ARHGEF7: variants seen among roughly 807,000 people sequenced by gnomAD.
ARHGEF7 encodes the protein PAK-interacting exchange factor beta.
A neutral mutation model predicts 109.8 loss-of-function variants in ARHGEF7; 33 were observed. That is an observed-to-expected ratio of 0.30 (90% confidence interval 0.23 to 0.40). The LOEUF (loss-of-function observed/expected upper bound fraction) is 0.40. ARHGEF7 is among the 10% of genes least tolerant of loss of function. The pLI is 1.00. For missense variants in ARHGEF7, 938 were observed against 1,098.5 expected (o/e 0.85, Z 2.07); for synonymous variants, 458 against 424.6 (o/e 1.08, Z -0.97).
At chr13:111,146,831 C>T (rs1191972054) in intron 1 of ARHGEF7, among the ~76,000 whole-genome samples, 14 of 152,146 alleles carry the variant, frequency 9.2e-5, no homozygotes, top group Non-Finnish European at 1.9e-4. Context: ...TGAAGTCTGA[C>T]CTTAATGTTG....
chr13:111,163,667 T>C (rs569934849), intron 2 of ARHGEF7, among the ~76,000 whole-genome samples: 120 of 152,114 alleles, frequency 7.9e-4, no homozygotes, highest in African/African-American at 2.7e-3. Context: ...CCAAGTACCT[T>C]AGACTACAGG....
intron 1 of ARHGEF7, among the ~76,000 whole-genome samples, chr13:111,133,612 TC>T: frequency 6.6e-6 from 1 of 150,844 alleles, no homozygotes. Flanking sequence ...GGTTCTTCCA[TC>T]TTTTTTTTCT....
chr13:111,285,160 C>G (rs1158963031), intron 16 of ARHGEF7, among the ~76,000 whole-genome samples: 1 of 152,204 alleles, frequency 6.6e-6, no homozygotes. Context: ...CTTTTCAAAA[C>G]TCACCCCCAT....
intron 2 of ARHGEF7, among the ~76,000 whole-genome samples, chr13:111,180,214 T>C (rs1441799616): frequency 6.6e-6 from 1 of 152,212 alleles, no homozygotes; most frequent in Non-Finnish European, 1.5e-5. Context: ...TACTTTGCTT[T>C]CAAGAATCCA....
chr13:111,231,113 T>C (rs1369087560), intron 5 of ARHGEF7, among the ~76,000 whole-genome samples: 2 of 152,206 alleles, frequency 1.3e-5, no homozygotes, highest in African/African-American at 4.8e-5. Context: ...GTGCGGCTTA[T>C]GATCGCAGTG....
intron 1 of ARHGEF7, among the ~76,000 whole-genome samples, chr13:111,128,994 A>T (rs141823919): frequency 1.5e-4 from 23 of 152,328 alleles, no homozygotes; most frequent in Admixed American, 1.4e-3. Context: ...TGGAGTCAGC[A>T]CAACGTTGCA....
intron 2 of ARHGEF7, chr13:111,186,775 C>T (rs774254964): frequency 1.6e-4 from 161 of 983,492 alleles, no homozygotes; most frequent in Non-Finnish European, 1.8e-4. Context: ...CTGGTGGCAA[C>T]GCAGACCACT....
intron 5 of ARHGEF7, among the ~76,000 whole-genome samples, chr13:111,219,872 T>C (rs1268939486): frequency 6.6e-6 from 1 of 152,124 alleles, no homozygotes; most frequent in Non-Finnish European, 1.5e-5. Context: ...ATTGCTGGGA[T>C]ATTAAGAAGG....
Position 111,303,646 on chromosome 13 carries a change from G to A in ARHGEF7, c.*533G>A, listed in dbSNP as rs541969438. The A allele has an allele frequency of 6.6e-6, 1 of 152,242 alleles. No homozygotes were observed. Among genetic ancestry groups the A allele is most frequent in the African/African-American group, 2.4e-5 (1 of 41,528 alleles). The allele number at this position is 152,242 out of a possible 1,614,324, so 9.4% of individuals were successfully genotyped here. ...GTGCTGTGGCAGCACCCCCCATGTC[G>A]GTATTTCTAAATAACCTTATTTATA... On this transcript the variant is annotated 3_prime_UTR_variant, in exon 22 of 22. Coordinates refer to ENST00000646102, the MANE Select transcript of ARHGEF7 (RefSeq NM_001354046.2).
rs1328659771 is a variant in ARHGEF7, at chr13:111,131,973, G to A, written c.165+16282G>A. On this transcript the variant is annotated intron_variant, in intron 1 of 21. Coordinates refer to ENST00000646102, the MANE Select transcript of ARHGEF7 (RefSeq NM_001354046.2). This position sits in a 1 kb window ranked among gnomAD's most constrained non-coding sequence, Gnocchi z 4.4. ...GGTGGACTCAGTGAGGGGGTGGACCGTGAGCCCTGTGGAAACCCACCCATG... is the reference window on the plus strand; with the variant it reads ...GGTGGACTCAGTGAGGGGGTGGACCATGAGCCCTGTGGAAACCCACCCATG... Among the ~76,000 whole-genome samples the A allele has an allele frequency of 6.6e-6, 1 of 152,190 alleles. No homozygotes were observed. The highest frequency in any genetic ancestry group is 2.4e-5 in the African/African-American group (1 of 41,444).
chr13:111,203,951 C>T (rs1005179565), intron 2 of ARHGEF7, among the ~76,000 whole-genome samples: 11 of 152,238 alleles, frequency 7.2e-5, no homozygotes, highest in South Asian at 4.1e-4. Flanking sequence ...CACTGTGCAC[C>T]GGCCCCTGTG....
chr13:111,153,800 CG>C, intron 1 of ARHGEF7, 104 bp from the exon 2 acceptor site: 2 of 1,409,634 alleles, frequency 1.4e-6, no homozygotes, highest in Non-Finnish European at 1.8e-6. Context: ...CGCTCGCCAG[CG>C]TCGCCCGCTG....
In ARHGEF7 at chr13:111,266,872, T is replaced by A; in HGVS notation, c.951-676T>A. ...GTTGTTGCTGTTGTCCTTCAGAAAC[T>A]CTGAGGTCTGGAGAGGTGAGCGTGT... On this transcript the variant is annotated intron_variant, in intron 8 of 21. Transcript: ENST00000646102. This position sits in a 1 kb window ranked among gnomAD's most constrained non-coding sequence, Gnocchi z 4.8. 1 of 456,074 alleles carries A rather than the reference T, an allele frequency of 2.2e-6. No individual in the cohort carries two copies. Among genetic ancestry groups the A allele is most frequent in the South Asian group, 1.5e-5 (1 of 64,558 alleles). The allele number at this position is 456,074 out of a possible 1,614,324, so 28.3% of individuals were successfully genotyped here. A position where few individuals can be genotyped will look rare whatever the true frequency, so the allele number is the denominator to read the frequency against.
At chr13:111,191,821 G>T (rs1469034633) in intron 2 of ARHGEF7, among the ~76,000 whole-genome samples, 1 of 152,172 alleles carries the variant, frequency 6.6e-6, no homozygotes, top group African/African-American at 2.4e-5. Flanking sequence ...TGAGTTAAAG[G>T]TAGGAGTAAA....
chr13:111,186,258 C>T (rs755619324), intron 2 of ARHGEF7, among the ~76,000 whole-genome samples: 34 of 152,196 alleles, frequency 2.2e-4, no homozygotes, highest in Non-Finnish European at 4.1e-4. Context: ...CCTCTCACCC[C>T]TTCCTGGAAA....
intron 2 of ARHGEF7, among the ~76,000 whole-genome samples, chr13:111,163,093 T>C (rs545350317): frequency 2.0e-5 from 3 of 152,220 alleles, no homozygotes; most frequent in African/African-American, 7.2e-5. Flanking sequence ...GGTCACAACA[T>C]AGTGTTTATT....
chr13:111,139,186 CT>C (rs1234525414), intron 1 of ARHGEF7, among the ~76,000 whole-genome samples: 1 of 152,166 alleles, frequency 6.6e-6, no homozygotes, highest in Admixed American at 6.5e-5. Flanking sequence ...TGATCGAGGA[CT>C]CATCAAGGGA....
At chr13:111,276,586 A>G (rs1020197318) in intron 12 of ARHGEF7, among the ~76,000 whole-genome samples, 2 of 152,192 alleles carry the variant, frequency 1.3e-5, no homozygotes, top group African/African-American at 4.8e-5. Context: ...TGTTACTCCA[A>G]AATGCTTCAG....
chr13:111,133,642 T>C (rs1418075791), intron 1 of ARHGEF7, among the ~76,000 whole-genome samples: 1 of 150,486 alleles, frequency 6.6e-6, no homozygotes, highest in Non-Finnish European at 1.5e-5. Context: ...GGTGGTTATA[T>C]GGTTTGTAAA....
Sources: gnomAD v4.1 joint callset for allele counts (sites outside exome capture counted in the v4.1 genomes callset) on GRCh38, gnomAD v4.1.1 for gene constraint, Gnocchi (gnomAD v3.1) non-coding constraint, MANE v1.5 for transcripts, NCBI Gene and HGNC (gene_info 2026-07-23, HGNC 2026-07-21) for gene names.